The following NOL6 variants were observed in gnomAD, a reference collection of about 807,000 sequenced individuals.
NOL6 encodes nucleolar protein 6.
Under a neutral mutation model 131.7 loss-of-function variants are expected in NOL6, and 33 were observed. The observed-to-expected ratio is 0.25, with a 90% CI of 0.19 to 0.33. The LOEUF is 0.33. Among genes scored for constraint, NOL6 ranks in the 10% least tolerant of loss-of-function variants. NOL6 has a pLI of 1.00. For missense variants in NOL6, 1,297 were observed against 1,494.5 expected (o/e 0.87, Z 2.18); for synonymous variants, 580 against 605.7 (o/e 0.96, Z 0.62).
At position 33,464,068 on chromosome 9, in the gene NOL6, G is replaced by C; in HGVS notation, c.2873C>G (p.Ser958Cys). Residue 958 changes from serine to cysteine, a missense_variant, in exon 22 of 26, where the codon TCT becomes TGT. Coordinates refer to ENST00000297990, the MANE Select transcript of NOL6 (RefSeq NM_022917.5). ...VIVTPQDRKNSVWTQDGPSAQ... is the reference protein window; with the variant it reads ...VIVTPQDRKNCVWTQDGPSAQ... Reference sequence around the variant, plus strand: ...TGAGGGTCCATCCTGTGTCCACACAGAGTTTTTGCGGTCTTGGGGGGTAAC... The same window carrying C: ...TGAGGGTCCATCCTGTGTCCACACACAGTTTTTGCGGTCTTGGGGGGTAAC... 2 of 1,613,798 alleles carry C rather than the reference G, an allele frequency of 1.2e-6. No homozygotes were observed. Among genetic ancestry groups the C allele is most frequent in the Non-Finnish European group, 1.7e-6 (2 of 1,179,862 alleles).
rs369599517 is a variant in NOL6, at chr9:33,472,351, C to T, written c.116G>A (p.Arg39His). The change falls in exon 2 of 26, where the codon CGT (arginine) becomes CAT (histidine). Residue 39 changes from arginine (R) to histidine (H), a missense_variant. Physicochemically the swap from Arg to His is conservative, Grantham distance 29 (BLOSUM62 0). Transcript: ENST00000297990. ...KEGKKASSRK[R>H]TLAEPPAKGL... The stretch of plus-strand genomic sequence containing the variant: ...CTTCGCTGGAGGTTCAGCCAATGTA[C>T]GCTTCCTGGAGGATGCTTTCTTCCC... 1.0e-4 allele frequency: 167 copies of T among 1,614,098 alleles called. No homozygotes were observed. The highest frequency in any genetic ancestry group is 1.3e-4 in the Non-Finnish European group (154 of 1,180,048).
At chr9:33,465,662 AG>A (rs2119014518) in intron 19 of NOL6, 71 bp downstream of exon 19, 2 of 1,494,388 alleles carry the variant, frequency 1.3e-6, no homozygotes, top group African/African-American at 2.8e-5. Context: ...CTGGAGAGAC[AG>A]GTGGCTAGGT....
intron 3 of NOL6, 49 bp from the exon 4 acceptor site, chr9:33,470,240 C>A (rs1243596604): frequency 7.7e-6 from 11 of 1,427,996 alleles, no homozygotes. Flanking sequence ...GCCTTCCTCA[C>A]ATGTACCCTT....
chr9:33,468,594 G>C, intron 8 of NOL6, 28 bp from the exon 9 acceptor site: 1 of 1,613,206 alleles, frequency 6.2e-7, no homozygotes, highest in Non-Finnish European at 8.5e-7. Flanking sequence ...TGTATTAGAA[G>C]GTATCCCCTT....
At position 33,467,944 on chromosome 9, in the gene NOL6, G is replaced by A. The variant is rs184493939; in HGVS notation, c.1425-76C>T. The A allele has an allele frequency of 2.6e-5, 42 of 1,603,550 alleles. No homozygotes were observed. The East Asian group carries it at 8.7e-4, about 33-fold the overall frequency. On this transcript the variant is annotated intron_variant, in intron 11 of 25. Transcript: ENST00000297990. This position sits in a 1 kb window ranked among gnomAD's most constrained non-coding sequence, Gnocchi z 4.4. Reference sequence around the variant, plus strand: ...GTACCACCTCCTCCCTGAATGATCTGAGCACCTGTCTGAAGACCTTTGCCC... The same window carrying A: ...GTACCACCTCCTCCCTGAATGATCTAAGCACCTGTCTGAAGACCTTTGCCC...
rs778398783 is a variant in NOL6, at chr9:33,472,139, G to T, written c.262-19C>A. ...CCTCTACCTGTAAGAGAGGGTAGAAGACAGTCCATCAGCCTCAGGGTCCCA... is the reference window on the plus strand; with the variant it reads ...CCTCTACCTGTAAGAGAGGGTAGAATACAGTCCATCAGCCTCAGGGTCCCA... On this transcript the variant is annotated intron_variant, in intron 2 of 25. Transcript: ENST00000297990. The T allele has an allele frequency of 1.2e-6, 2 of 1,613,346 alleles. No homozygotes were observed. Among genetic ancestry groups the T allele is most frequent in the Admixed American group, 1.7e-5 (1 of 60,022 alleles).
At position 33,470,788 on chromosome 9, in the gene NOL6, A is replaced by ATTT. The variant is rs1563881604; in HGVS notation, c.379-598_379-597insAAA. 2.6e-3 allele frequency: 391 copies of ATTT among 149,962 alleles called. 5 individuals carry two copies. Among genetic ancestry groups the ATTT allele is most frequent in the Admixed American group, 0.022 (334 of 15,000 alleles). The allele number at this position is 149,962 out of a possible 1,614,324, so 9.3% of individuals were successfully genotyped here. On this transcript the variant is annotated intron_variant, in intron 3 of 25. Transcript: ENST00000297990. ...AAACAGAGAGAGGAAAAGATTTAAA[A>ATTT]AAAAAAAAAAAAAAGAAAGAAATGG...
At position 33,463,867 on chromosome 9, in the gene NOL6, C is replaced by T; in HGVS notation, c.2958G>A (p.Lys986=). ...CAGGTCCCCGGGGATCCATGAGCTG[C>T]TTCTCTAACATGGGCAGGGCTTCAG... ...LAAEALPMLE[K]QLMDPRGPGD... is the part of the protein sequence containing the mutation. Residue 986 remains lysine, a synonymous_variant, in exon 23 of 26, where the codon AAG becomes AAA. Coordinates refer to ENST00000297990, the MANE Select transcript of NOL6 (RefSeq NM_022917.5). The T allele has an allele frequency of 6.2e-7, 1 of 1,614,142 alleles. No homozygotes were observed. The highest frequency in any genetic ancestry group is 8.5e-7 in the Non-Finnish European group (1 of 1,180,024).
Position 33,471,845 on chromosome 9 carries a change from G to A in NOL6, c.378+159C>T, listed in dbSNP as rs144689804. On this transcript the variant is annotated intron_variant, in intron 3 of 25. Coordinates refer to ENST00000297990, the MANE Select transcript of NOL6 (RefSeq NM_022917.5). ...CAAGGCATGGAAGTACTTGCTGAAT[G>A]AATACACAAATGACCACGCTCCCAG... 2.0e-5 allele frequency among the ~76,000 whole-genome samples: 3 copies of A among 152,322 alleles called. No individual in the cohort carries two copies. The East Asian group carries it at 5.8e-4, about 29-fold the overall frequency.
In NOL6 at chr9:33,464,165, G is replaced by C. The variant is rs748319196; in HGVS notation, c.2780-4C>G. Reference sequence around the variant, plus strand: ...CGGATCTCCACCTGCTCCTCCACTAGAGACAAGAATGGGTCCTGGGTCAGC... The same window carrying C: ...CGGATCTCCACCTGCTCCTCCACTACAGACAAGAATGGGTCCTGGGTCAGC... On this transcript the variant is annotated splice_polypyrimidine_tract_variant and splice_region_variant and intron_variant, in intron 21 of 25. Coordinates refer to ENST00000297990, the MANE Select transcript of NOL6 (RefSeq NM_022917.5). 31 of 1,604,398 alleles carry C rather than the reference G, an allele frequency of 1.9e-5. No individual in the cohort carries two copies. The highest frequency in any genetic ancestry group is 2.3e-5 in the Non-Finnish European group (27 of 1,175,320).
In NOL6 at chr9:33,463,407, ACGT is replaced by A; in HGVS notation, c.3026_3028del (p.Asp1009del). Reference sequence around the variant, plus strand: ...ATGGCGAGGAGACAGGCGAATCAGCACGTCGTAAATGTCCAAGGGCGGCCGGAA... The same window carrying A: ...ATGGCGAGGAGACAGGCGAATCAGCACGTAAATGTCCAAGGGCGGCCGGAA... On this transcript the variant is annotated inframe_deletion, in exon 24 of 26. Coordinates refer to ENST00000297990, the MANE Select transcript of NOL6 (RefSeq NM_022917.5). The A allele has an allele frequency of 6.2e-7, 1 of 1,613,894 alleles. No individual in the cohort carries two copies. The highest frequency in any genetic ancestry group is 8.5e-7 in the Non-Finnish European group (1 of 1,179,860).
Position 33,466,499 on chromosome 9 carries a change from G to A in NOL6, c.2091+70C>T, listed in dbSNP as rs1306248743. 2.5e-6 allele frequency: 4 copies of A among 1,611,800 alleles called. No homozygotes were observed. The African/African-American group carries it at 4.0e-5, about 16-fold the overall frequency. On this transcript the variant is annotated intron_variant, in intron 16 of 25. Transcript: ENST00000297990. Reference sequence around the variant, plus strand: ...GCCCAGAGTCAGGAGTTGGAAGTGGGGAATACTGGGTGACTGGAGCAGAGG... The same window carrying A: ...GCCCAGAGTCAGGAGTTGGAAGTGGAGAATACTGGGTGACTGGAGCAGAGG...
rs1587218716 is a variant in NOL6 at position 33,466,511 on chromosome 9, G to A, written c.2091+58C>T. 1.9e-6 allele frequency: 3 copies of A among 1,612,196 alleles called. No homozygotes were observed. The East Asian group carries it at 6.7e-5, about 36-fold the overall frequency. On this transcript the variant is annotated intron_variant, in intron 16 of 25. Transcript: ENST00000297990. ...GAGTTGGAAGTGGGGAATACTGGGTGACTGGAGCAGAGGTGGGGCCACTAA... is the reference window on the plus strand; with the variant it reads ...GAGTTGGAAGTGGGGAATACTGGGTAACTGGAGCAGAGGTGGGGCCACTAA...
At chr9:33,471,939 C>T (rs2992820) in intron 3 of NOL6, 65 bp downstream of exon 3, 76,866 of 1,125,518 alleles carry the variant, frequency 0.068, 3,810 homozygotes, top group African/African-American at 0.23. Context: ...AGCAAGGCCC[C>T]TGTTTGATAT....
Position 33,463,788 on chromosome 9 carries a change from G to C in NOL6, c.2994+43C>G, listed in dbSNP as rs117666046. On this transcript the variant is annotated intron_variant, in intron 23 of 25. Transcript: ENST00000297990. Reference sequence around the variant, plus strand: ...CCTGAACGCTGAACTTCCAAAGACAGAATCCCCAGAGGCCCTGGAGTCACT... The same window carrying C: ...CCTGAACGCTGAACTTCCAAAGACACAATCCCCAGAGGCCCTGGAGTCACT... The C allele has an allele frequency of 2.8e-3, 4,396 of 1,596,884 alleles. 51 individuals are homozygous for C. In the East Asian group the frequency reaches 0.028, roughly 10 times the overall value.
chr9:33,461,596 T>A lies in NOL6; in HGVS notation c.*1068A>T, dbSNP rs985002014. The A allele has an allele frequency of 6.6e-6, 1 of 152,520 alleles. No individual in the cohort carries two copies. The highest frequency in any genetic ancestry group is 1.5e-5 in the Non-Finnish European group (1 of 68,264). The allele number at this position is 152,520 out of a possible 1,614,324, so 9.4% of individuals were successfully genotyped here. A position where few individuals can be genotyped will look rare whatever the true frequency, so the allele number is the denominator to read the frequency against. ...GCCACCACGCCCAGCTGCAATTTAA[T>A]TTTAAATCAGAGTTCAAAACAATAG... is the stretch of plus-strand genomic sequence containing the variant. On this transcript the variant is annotated 3_prime_UTR_variant, in exon 26 of 26. Transcript: ENST00000297990.
chr9:33,467,248 G>A lies in NOL6; in HGVS notation c.1740C>T (p.Arg580=). The A allele has an allele frequency of 6.2e-7, 1 of 1,614,142 alleles. No homozygotes were observed. The highest frequency in any genetic ancestry group is 8.5e-7 in the Non-Finnish European group (1 of 1,180,000). Reference sequence around the variant, plus strand: ...GCTCCGAGCGGGATCCCCAGAACTGGCGGAATTTAGCAGCCTGAGGAGGCA... The same window carrying A: ...GCTCCGAGCGGGATCCCCAGAACTGACGGAATTTAGCAGCCTGAGGAGGCA... ...EADQPEAAKF[R]QFWGSRSELR... is the part of the protein sequence containing the mutation. The change falls in exon 14 of 26, where the codon CGC becomes CGT. Residue 580 remains arginine, a synonymous_variant. Transcript: ENST00000297990. The surrounding 1 kb of genome is among the most constrained non-coding windows in gnomAD (Gnocchi z 4.4).
intron 20 of NOL6, 93 bp downstream of exon 20, chr9:33,465,114 C>CCTAAGTCT: frequency 6.7e-7 from 1 of 1,498,996 alleles, no homozygotes; most frequent in South Asian, 1.3e-5. Flanking sequence ...CTTGCTCAAC[C>CCTAAGTCT]ACCCATTCCC....
intron 19 of NOL6, 127 bp downstream of exon 19, chr9:33,465,607 C>A (rs1350803611): frequency 1.7e-6 from 2 of 1,153,832 alleles, no homozygotes; most frequent in South Asian, 1.6e-5. Context: ...CCAGAACCTG[C>A]CTGACTCCAG....
Sources: gnomAD v4.1 joint callset for allele counts (sites outside exome capture counted in the v4.1 genomes callset) on GRCh38, gnomAD v4.1.1 for gene constraint, Gnocchi (gnomAD v3.1) non-coding constraint, MANE v1.5 for transcripts, NCBI Gene and HGNC (gene_info 2026-07-23, HGNC 2026-07-21) for gene names.